SAMM50: variants seen among roughly 807,000 people sequenced by gnomAD.
The protein encoded by SAMM50 is sorting and assembly machinery component 50 homolog.
A neutral mutation model predicts 66.9 loss-of-function variants in SAMM50; 47 were observed. That is an observed-to-expected ratio of 0.70 (90% confidence interval 0.56 to 0.90). The LOEUF is 0.90. SAMM50 is among the 40% of genes least tolerant of loss of function. The probability of loss-of-function intolerance (pLI) is 0.00; values close to 1 mark genes in which losing one functional copy is unlikely to be tolerated. For synonymous variants in SAMM50, 191 were observed against 214.1 expected (o/e 0.89, Z 0.94); for missense variants, 535 against 595.3 (o/e 0.90, Z 1.05).
At chr22:43,978,393 C>T (rs1007283458) in intron 10 of SAMM50, among the ~76,000 whole-genome samples, 3 of 138,352 alleles carry the variant, frequency 2.2e-5, no homozygotes, top group Non-Finnish European at 4.5e-5. Context: ...CAAGATCACA[C>T]CACTGCACTC....
chr22:43,957,639 G>C (rs538559504), intron 1 of SAMM50, among the ~76,000 whole-genome samples: 2 of 152,156 alleles, frequency 1.3e-5, no homozygotes, highest in Non-Finnish European at 1.5e-5. Context: ...GGCCAGGCTG[G>C]TCTTGAACTC....
intron 14 of SAMM50, among the ~76,000 whole-genome samples, chr22:43,995,236 G>T (rs1286318763): frequency 6.6e-6 from 1 of 152,182 alleles, no homozygotes; most frequent in Admixed American, 6.5e-5. Context: ...GCATTTGTGA[G>T]TATCTGTGTT....
At chr22:43,964,386 T>G in intron 2 of SAMM50, 66 bp from the exon 3 acceptor site, 1 of 761,550 alleles carries the variant, frequency 1.3e-6, no homozygotes, top group Non-Finnish European at 2.2e-6. Flanking sequence ...TGACATTGTC[T>G]TTAGTCTTGA....
intron 1 of SAMM50, chr22:43,956,907 G>A (rs1046714069): frequency 2.1e-6 from 1 of 467,686 alleles, no homozygotes; most frequent in African/African-American, 2.0e-5. Context: ...AATCAATGGG[G>A]ATGCAAATAG....
At position 43,983,945 on chromosome 22, in the gene SAMM50, G is replaced by A; in HGVS notation, c.1020G>A (p.Gly340=). The A allele has an allele frequency of 6.2e-7, 1 of 1,610,638 alleles. No homozygotes were observed. Among genetic ancestry groups the A allele is most frequent in the South Asian group, 1.1e-5 (1 of 90,250 alleles). The change falls in exon 12 of 15, where the codon GGG becomes GGA. Residue 340 remains glycine, a synonymous_variant. Coordinates refer to ENST00000350028, the MANE Select transcript of SAMM50 (RefSeq NM_015380.5). This position sits in a 1 kb window ranked among gnomAD's most constrained non-coding sequence, Gnocchi z 4.2. ...TGTTTTGTCCTAGGTTTTACCTTGG[G>A]GGACCCACAAGCATCCGCGGATTCA... The part of the protein sequence containing the change: ...PSSIADRFYL[G]GPTSIRGFSM...
At chr22:43,996,224 C>T in intron 14 of SAMM50, 114 bp from the exon 15 acceptor site, 1 of 1,133,226 alleles carries the variant, frequency 8.8e-7, no homozygotes, top group Non-Finnish European at 1.3e-6. Context: ...AGGAAGGCAG[C>T]AGGAGGAGGA....
intron 14 of SAMM50, among the ~76,000 whole-genome samples, chr22:43,993,032 A>C (rs1281198128): frequency 6.6e-6 from 1 of 152,228 alleles, no homozygotes. Flanking sequence ...CTTTCTATGA[A>C]GCCCTTATTC....
chr22:43,969,181 C>G (rs1405025662), intron 4 of SAMM50, among the ~76,000 whole-genome samples: 1 of 152,120 alleles, frequency 6.6e-6, no homozygotes, highest in Non-Finnish European at 1.5e-5. Flanking sequence ...CTGGACTCCA[C>G]GGGGGCCTGA....
At chr22:43,956,995 G>A in intron 1 of SAMM50, 2 of 686,134 alleles carry the variant, frequency 2.9e-6, no homozygotes, top group Non-Finnish European at 5.2e-6. Context: ...TCCTGTGGCG[G>A]CCTGCCGGGA....
At chr22:43,990,661 C>T (rs1254864418) in intron 14 of SAMM50, among the ~76,000 whole-genome samples, 2 of 152,056 alleles carry the variant, frequency 1.3e-5, no homozygotes, top group Non-Finnish European at 2.9e-5. Flanking sequence ...TAGTGGGAGC[C>T]CCTGCCAGGG....
intron 6 of SAMM50, 29 bp downstream of exon 6, chr22:43,973,030 A>G: frequency 3.2e-6 from 5 of 1,578,512 alleles, no homozygotes; most frequent in Non-Finnish European, 4.3e-6. Flanking sequence ...CATTGAGTAC[A>G]CTGGCCTGAT....
chr22:43,964,401 TA>T, intron 2 of SAMM50, 50 bp from the exon 3 acceptor site: 1 of 908,278 alleles, frequency 1.1e-6, no homozygotes, highest in Non-Finnish European at 1.8e-6. Flanking sequence ...TCTTGACACC[TA>T]ATCTGTTTGC....
chr22:43,960,348 T>C (rs1398354282), intron 1 of SAMM50, among the ~76,000 whole-genome samples: 1 of 152,212 alleles, frequency 6.6e-6, no homozygotes, highest in Non-Finnish European at 1.5e-5. Flanking sequence ...TTTCAGTACT[T>C]ATTTGTTAAA....
chr22:43,990,304 G>A lies in SAMM50; in HGVS notation c.1262G>A (p.Cys421Tyr), dbSNP rs1349539399. The change falls in exon 14 of 15, where the codon TGC becomes TAC. Residue 421 changes from cysteine to tyrosine, a missense_variant. By Grantham distance (194) the Cys-to-Tyr change is radical. Transcript: ENST00000350028. ...GCTCATATTCGTAAGCTGGCTGAGT[G>A]CATCCGCTGGTCGTACGGGGCCGGG... ...PKAHIRKLAE[C>Y]IRWSYGAGIV... 1.2e-5 allele frequency: 19 copies of A among 1,614,204 alleles called. No homozygotes were observed. Among genetic ancestry groups the A allele is most frequent in the Non-Finnish European group, 1.6e-5 (19 of 1,180,034 alleles).
chr22:43,987,896 G>GTATATATA (rs904726814), intron 12 of SAMM50: 1 of 105,946 alleles, frequency 9.4e-6, no homozygotes, highest in African/African-American at 5.1e-5. Context: ...ACTGGAAACT[G>GTATATATA]TGTATATATA....
rs766529644 is a variant in SAMM50, at chr22:43,989,217, C to G, written c.1182C>G (p.His394Gln). 1.2e-5 allele frequency: 19 copies of G among 1,614,060 alleles called. No homozygotes were observed. Among genetic ancestry groups the G allele is most frequent in the Non-Finnish European group, 1.5e-5 (18 of 1,180,042 alleles). Residue 394 changes from histidine to glutamine, a missense_variant, in exon 13 of 15, where the codon CAC becomes CAG. His to Gln is a conservative substitution (Grantham distance 24). Coordinates refer to ENST00000350028, the MANE Select transcript of SAMM50 (RefSeq NM_015380.5). ...QGGFGELFRT[H>Q]FFLNAGNLCN... ...GCTTTGGAGAACTTTTCCGAACACA[C>G]TTCTTTCTCAACGCAGGAAACCTCT...
At position 43,972,253 on chromosome 22, in the gene SAMM50, A is replaced by G. The variant is rs201341859; in HGVS notation, c.340A>G (p.Asn114Asp). The G allele has an allele frequency of 2.2e-4, 349 of 1,584,712 alleles. No individual in the cohort carries two copies. The highest frequency in any genetic ancestry group is 2.9e-4 in the Non-Finnish European group (337 of 1,169,318). The change falls in exon 5 of 15, where the codon AAT becomes GAT. Residue 114 changes from asparagine (N) to aspartate (D), a missense_variant. Asn to Asp is a conservative substitution (Grantham distance 23). Transcript: ENST00000350028. The part of the protein sequence containing the change: ...DTCQGDDALP[N>D]GLDVTFEVTE... The stretch of plus-strand genomic sequence containing the variant: ...TTATTTAGGTGATGACGCACTTCCA[A>G]ATGGGTTAGACGTTACCTTTGAAGT...
At chr22:43,958,019 C>A (rs1224487009) in intron 1 of SAMM50, among the ~76,000 whole-genome samples, 2 of 152,202 alleles carry the variant, frequency 1.3e-5, no homozygotes, top group African/African-American at 4.8e-5. Context: ...TTCCAAAGTG[C>A]TGAGATTACA....
At chr22:43,981,297 C>A in intron 10 of SAMM50, 94 bp from the exon 11 acceptor site, 1 of 969,228 alleles carries the variant, frequency 1.0e-6, no homozygotes, top group East Asian at 2.4e-5. Context: ...CTGCACGCCA[C>A]GGGCATTCAG....
Sources: allele counts gnomAD v4.1 joint callset (sites outside exome capture counted in the v4.1 genomes callset), GRCh38; gene constraint gnomAD v4.1.1; non-coding constraint Gnocchi (gnomAD v3.1); transcripts MANE v1.5; gene names NCBI Gene and HGNC (gene_info 2026-07-23, HGNC 2026-07-21).